The following SHROOM2 variants were observed in gnomAD, a reference collection of about 807,000 sequenced individuals.
The protein encoded by SHROOM2 is shroom family member 2.
In SHROOM2, 33 loss-of-function variants were observed where a neutral mutation model predicts 75.9. The ratio of observed to expected loss-of-function variants is 0.43; its 90% confidence interval spans 0.33 to 0.58. The LOEUF (loss-of-function observed/expected upper bound fraction) is 0.58, where lower values mean the gene tolerates loss of function less well. Ranked by LOEUF, SHROOM2 falls within the 20% of genes least tolerant of loss-of-function variation. The pLI is 0.04. For missense variants in SHROOM2, 1,434 were observed against 1,461.2 expected (o/e 0.98, Z 0.30); for synonymous variants, 655 against 663.6 (o/e 0.99, Z 0.20).
intron 1 of SHROOM2, among the ~76,000 whole-genome samples, chrX:9,870,527 CTTAAA>C (rs1191124934): frequency 8.9e-6 from 1 of 112,019 alleles, no homozygotes; most frequent in Non-Finnish European, 1.9e-5. Context: ...GGTGAAGTCT[CTTAAA>C]TTAGATACAT....
intron 8 of SHROOM2, among the ~76,000 whole-genome samples, 200 bp downstream of exon 8, chrX:9,939,566 T>G (rs1429038338): frequency 1.8e-5 from 2 of 112,252 alleles, no homozygotes. Context: ...TCTTGAGCCA[T>G]TCCACAAACG....
intron 5 of SHROOM2, among the ~76,000 whole-genome samples, chrX:9,906,564 G>A (rs760656846): frequency 4.4e-5 from 5 of 112,830 alleles, no homozygotes; most frequent in African/African-American, 1.6e-4. Flanking sequence ...GGAAGCCAAG[G>A]CGGGTGGATC....
At chrX:9,883,921 C>T (rs1439873139) in intron 2 of SHROOM2, among the ~76,000 whole-genome samples, 1 of 111,468 alleles carries the variant, frequency 9.0e-6, no homozygotes, top group Admixed American at 9.4e-5. Context: ...TCCCTGAGGC[C>T]CCCAGACTGT....
chrX:9,941,754 G>A (rs113547972), intron 8 of SHROOM2, among the ~76,000 whole-genome samples: 5,195 of 108,744 alleles, frequency 0.048, 175 homozygotes, highest in Middle Eastern at 0.087. Context: ...GGCGGATCAC[G>A]AGGTCAGCAG....
rs144012321 is a variant in SHROOM2, at chrX:9,904,975, G to A, written c.2891+6685G>A. Among the ~76,000 whole-genome samples the A allele has an allele frequency of 4.4e-4, 50 of 112,369 alleles. No individual in the cohort carries two copies. In the East Asian group the frequency reaches 5.3e-3, roughly 12 times the overall value. ...CTCCAAGCTCAAGTGATCCTCCCGA[G>A]TAGCTGGGATCACAGGCATGCGCCA... is the stretch of plus-strand genomic sequence containing the variant. On this transcript the variant is annotated intron_variant, in intron 5 of 9. Coordinates refer to ENST00000380913, the MANE Select transcript of SHROOM2 (RefSeq NM_001649.4).
chrX:9,892,758 C>A (rs1428465623), intron 3 of SHROOM2, among the ~76,000 whole-genome samples: 1 of 112,224 alleles, frequency 8.9e-6, no homozygotes, highest in Non-Finnish European at 1.9e-5. Context: ...TAGATGACAG[C>A]CAGTTGTTCT....
At chrX:9,881,438 G>T (rs1047818883) in intron 2 of SHROOM2, among the ~76,000 whole-genome samples, 7 of 111,291 alleles carry the variant, frequency 6.3e-5, no homozygotes, top group African/African-American at 2.3e-4. Context: ...CCACCCTCTC[G>T]GTGAGATGAT....
chrX:9,795,741 T>TC (rs5901418), intron 1 of SHROOM2, among the ~76,000 whole-genome samples: 1 of 109,957 alleles, frequency 9.1e-6, no homozygotes, highest in Non-Finnish European at 1.9e-5. Context: ...TTTTTTTTTT[T>TC]CTGGAGGGGC....
chrX:9,919,709 G>A (rs1358521263), intron 5 of SHROOM2, among the ~76,000 whole-genome samples: 1 of 110,935 alleles, frequency 9.0e-6, no homozygotes, highest in African/African-American at 3.3e-5. Flanking sequence ...ACAGAGATTT[G>A]GGAACCACCA....
chrX:9,855,066 T>G (rs769824071), intron 1 of SHROOM2, among the ~76,000 whole-genome samples: 7 of 102,933 alleles, frequency 6.8e-5, no homozygotes, highest in African/African-American at 2.6e-4. Flanking sequence ...AGTGGTCCAC[T>G]CTTTTTAAAA....
At chrX:9,901,135 C>CGAGA (rs1363530876) in intron 5 of SHROOM2, among the ~76,000 whole-genome samples, 1 of 111,114 alleles carries the variant, frequency 9.0e-6, no homozygotes, top group African/African-American at 3.3e-5. Context: ...CCGTCTTCTC[C>CGAGA]CTGTGTCCTC....
intron 1 of SHROOM2, among the ~76,000 whole-genome samples, chrX:9,863,099 T>C (rs1237163851): frequency 9.0e-6 from 1 of 110,937 alleles, no homozygotes; most frequent in Non-Finnish European, 1.9e-5. Flanking sequence ...TGCCACAGAA[T>C]GCACACTCTT....
chrX:9,809,327 C>T (rs1160324670), intron 1 of SHROOM2, among the ~76,000 whole-genome samples: 1 of 110,957 alleles, frequency 9.0e-6, no homozygotes, highest in Non-Finnish European at 1.9e-5. Flanking sequence ...CCTTTTCACG[C>T]CTTTTTGTCT....
rs776871181 is a variant in SHROOM2 at position 9,939,260 on chromosome X, C to T, written c.4205C>T (p.Ser1402Leu). The change falls in exon 8 of 10, where the codon TCG (serine) becomes TTG (leucine). Residue 1402 changes from serine (S) to leucine (L), a missense_variant. Physicochemically the swap from Ser to Leu is moderately radical, Grantham distance 145. This residue lies in a region of SHROOM2 where 1,340 missense variants were observed against 1,338.3 expected (regional missense o/e 1.00). Transcript: ENST00000380913. ...ACCAATTCTACCTACTACAGCACGTCGGCCCCCAAGGCGGAGCTGCTGATC... is the reference window on the plus strand; with the variant it reads ...ACCAATTCTACCTACTACAGCACGTTGGCCCCCAAGGCGGAGCTGCTGATC... ...LATNSTYYST[S>L]APKAELLIKM... is the part of the protein sequence containing the mutation. 1 of 1,209,849 alleles carries T rather than the reference C, an allele frequency of 8.3e-7. No individual in the cohort carries two copies. Among genetic ancestry groups the T allele is most frequent in the Non-Finnish European group, 1.1e-6 (1 of 894,419 alleles).
chrX:9,934,789 G>T (rs978193214), intron 6 of SHROOM2, among the ~76,000 whole-genome samples: 1 of 111,002 alleles, frequency 9.0e-6, no homozygotes, highest in Non-Finnish European at 1.9e-5. Flanking sequence ...TTTCCTTCCC[G>T]GTACTGTATT....
rs1390488284 is a variant in SHROOM2, at chrX:9,932,303, AGGGCCG to A, written c.3027_3032del (p.Gly1010_Arg1011del). The A allele has an allele frequency of 8.3e-6, 10 of 1,203,480 alleles. No homozygotes were observed. Among genetic ancestry groups the A allele is most frequent in the Non-Finnish European group, 1.1e-5 (10 of 891,855 alleles). ...CGGGGAGCCCCAGAGCTGCCCCGGG[AGGGCCG>A]GGGCCGAGCGGGAACCCTACCTCGA... On this transcript the variant is annotated inframe_deletion, in exon 6 of 10. Transcript: ENST00000380913.
At chrX:9,805,177 G>A (rs2083744624) in intron 1 of SHROOM2, among the ~76,000 whole-genome samples, 1 of 110,974 alleles carries the variant, frequency 9.0e-6, no homozygotes, top group Non-Finnish European at 1.9e-5. Context: ...CCTGGGAGAC[G>A]GAGGTTGCAG....
At chrX:9,857,649 A>G (rs2084079214) in intron 1 of SHROOM2, among the ~76,000 whole-genome samples, 1 of 111,195 alleles carries the variant, frequency 9.0e-6, no homozygotes, top group South Asian at 3.9e-4. Context: ...TTGGCCTCCC[A>G]AAGTGCTGGG....
chrX:9,838,705 G>C (rs1040330603), intron 1 of SHROOM2, among the ~76,000 whole-genome samples: 21 of 112,202 alleles, frequency 1.9e-4, no homozygotes, highest in African/African-American at 6.5e-4. Flanking sequence ...GTTGAAGACA[G>C]TGTGCCCCTT....
Sources: allele counts gnomAD v4.1 joint callset (sites outside exome capture counted in the v4.1 genomes callset), GRCh38; gene constraint gnomAD v4.1.1; regional missense constraint gnomAD v4.1.1; transcripts MANE v1.5; gene names NCBI Gene and HGNC (gene_info 2026-07-23, HGNC 2026-07-21).